Variants in ART3 observed in about 807,000 individuals in gnomAD.
ART3 encodes the protein ecto-ADP-ribosyltransferase 3.
A neutral mutation model predicts 48.5 loss-of-function variants in ART3; 49 were observed. The observed-to-expected ratio is 1.01, with a 90% CI of 0.80 to 1.28. ART3 has a LOEUF of 1.28. Among genes scored for constraint, ART3 ranks in the 50% most tolerant of loss-of-function variants. The pLI is 0.00. For synonymous variants in ART3, 145 were observed against 157.2 expected (o/e 0.92, Z 0.58); for missense variants, 438 against 454.3 (o/e 0.96, Z 0.33).
chr4:76,068,895 G>T (rs1370046657), intron 1 of ART3, among the ~76,000 whole-genome samples: 1 of 152,158 alleles, frequency 6.6e-6, no homozygotes, highest in Admixed American at 6.5e-5. Context: ...TGCCCCAGTG[G>T]CATTGAACTC....
rs540114813 is a variant in ART3, at chr4:76,040,481, T to C, written c.-10+29161T>C. On this transcript the variant is annotated intron_variant, in intron 1 of 9. Transcript: ENST00000341029. ...ACACACACACACACACACACACACATTTCGCCTAACAAGTTCTATATCAGA... is the reference window on the plus strand; with the variant it reads ...ACACACACACACACACACACACACACTTCGCCTAACAAGTTCTATATCAGA... 2.2e-4 allele frequency among the ~76,000 whole-genome samples: 13 copies of C among 57,818 alleles called. No individual in the cohort carries two copies. In the South Asian group the frequency reaches 5.4e-3, roughly 24 times the overall value. The allele number at this position is 57,818 out of a possible 152,430, so 37.9% of individuals were successfully genotyped here. A position where few individuals can be genotyped will look rare whatever the true frequency, so the allele number is the denominator to read the frequency against.
chr4:76,091,679 CTTTT>C (rs869226732), intron 3 of ART3, among the ~76,000 whole-genome samples: 2 of 112,308 alleles, frequency 1.8e-5, no homozygotes. Flanking sequence ...TGTAGCTTAT[CTTTT>C]TTTTTTTTTT....
chr4:76,071,325 G>T (rs934225596), upstream of ART3, among the ~76,000 whole-genome samples: 7 of 150,694 alleles, frequency 4.6e-5, no homozygotes, highest in African/African-American at 1.2e-4. Flanking sequence ...CTGAGATCGT[G>T]CCACTGCACT....
intron 3 of ART3, among the ~76,000 whole-genome samples, chr4:76,095,404 AG>A (rs1725779182): frequency 6.6e-6 from 1 of 152,172 alleles, no homozygotes; most frequent in Non-Finnish European, 1.5e-5. Context: ...GCTACTTAGG[AG>A]GCTGAGGCAG....
intron 1 of ART3, among the ~76,000 whole-genome samples, chr4:76,062,968 C>G (rs755096335): frequency 2.0e-5 from 3 of 152,206 alleles, no homozygotes; most frequent in Middle Eastern, 3.4e-3. Context: ...CAGCTAATCA[C>G]TTGTTTAAGT....
chr4:76,048,453 T>C (rs866215721), intron 1 of ART3, among the ~76,000 whole-genome samples: 1 of 151,766 alleles, frequency 6.6e-6, no homozygotes, highest in Admixed American at 6.6e-5. Flanking sequence ...AGGGTGAGCC[T>C]GTTGATGCAT....
chr4:76,078,311 A>G (rs912278856), intron 2 of ART3, among the ~76,000 whole-genome samples: 1 of 152,090 alleles, frequency 6.6e-6, no homozygotes, highest in African/African-American at 2.4e-5. Flanking sequence ...CATAGGGAAA[A>G]GACAGGAACA....
At chr4:76,023,505 G>T in intron 1 of ART3, 1 of 1,335,342 alleles carries the variant, frequency 7.5e-7, no homozygotes, top group African/African-American at 1.4e-5. Context: ...CTCAGAAAAC[G>T]TGGGGCTAGT....
intron 3 of ART3, among the ~76,000 whole-genome samples, chr4:76,088,130 C>G (rs997361399): frequency 1.3e-5 from 2 of 152,066 alleles, no homozygotes; most frequent in Non-Finnish European, 2.9e-5. Flanking sequence ...TTATAAATAC[C>G]TGGTGGGAAG....
At chr4:76,107,548 T>C in intron 10 of ART3, 1 of 369,004 alleles carries the variant, frequency 2.7e-6, no homozygotes, top group Non-Finnish European at 5.0e-6. Context: ...TATTTTTATG[T>C]AAACACATAT....
At chr4:76,024,946 T>C (rs1322847370) in intron 1 of ART3, among the ~76,000 whole-genome samples, 1 of 152,158 alleles carries the variant, frequency 6.6e-6, no homozygotes, top group Non-Finnish European at 1.5e-5. Context: ...ATGTAGGAAC[T>C]CCATCATTAA....
chr4:76,090,342 T>C (rs1724595410), intron 3 of ART3, among the ~76,000 whole-genome samples: 1 of 152,226 alleles, frequency 6.6e-6, no homozygotes, highest in Non-Finnish European at 1.5e-5. Context: ...ATCATGACTT[T>C]TCTTTCGATA....
chr4:76,057,277 G>A (rs555265317), intron 1 of ART3, among the ~76,000 whole-genome samples: 32 of 152,284 alleles, frequency 2.1e-4, no homozygotes, highest in Non-Finnish European at 3.8e-4. Context: ...TGCAATGTGG[G>A]TTCTGACAGG....
chr4:76,081,156 A>T (rs766796732), intron 2 of ART3, among the ~76,000 whole-genome samples: 1 of 152,202 alleles, frequency 6.6e-6, no homozygotes, highest in Non-Finnish European at 1.5e-5. Context: ...CAGCTCAGCA[A>T]GCCTTATTTG....
intron 3 of ART3, among the ~76,000 whole-genome samples, chr4:76,094,361 T>A (rs187088470): frequency 2.4e-4 from 37 of 152,358 alleles, no homozygotes; most frequent in African/African-American, 8.4e-4. Context: ...TTCATTAGAT[T>A]GAGTTCTCTT....
At chr4:76,019,967 A>C (rs4859583) in intron 1 of ART3, among the ~76,000 whole-genome samples, 1 of 152,152 alleles carries the variant, frequency 6.6e-6, no homozygotes, top group Non-Finnish European at 1.5e-5. Flanking sequence ...TATCAAACTT[A>C]AAAAGTTTTG....
intron 1 of ART3, among the ~76,000 whole-genome samples, chr4:76,013,062 A>G (rs1220933314): frequency 6.6e-6 from 1 of 152,196 alleles, no homozygotes; most frequent in African/African-American, 2.4e-5. Context: ...CAGCATGTAC[A>G]TTAACACTTA....
At chr4:76,072,791 A>G (rs1028627349), upstream of ART3, among the ~76,000 whole-genome samples, 2 of 152,072 alleles carry the variant, frequency 1.3e-5, no homozygotes, top group African/African-American at 2.4e-5. Flanking sequence ...TGTTCCAACC[A>G]TATTGGCCTG....
At chr4:76,062,089 C>G (rs1719268737) in intron 1 of ART3, among the ~76,000 whole-genome samples, 2 of 133,526 alleles carry the variant, frequency 1.5e-5, no homozygotes, top group South Asian at 4.9e-4. Context: ...AGAGTTACTT[C>G]AGAAGAGAAA....
Sources: allele counts gnomAD v4.1 joint callset (sites outside exome capture counted in the v4.1 genomes callset), GRCh38; gene constraint gnomAD v4.1.1; transcripts MANE v1.5; gene names NCBI Gene and HGNC (gene_info 2026-07-23, HGNC 2026-07-21).